TRAP1: variants seen among roughly 807,000 people sequenced by gnomAD.
TRAP1 encodes the protein heat shock protein 75 kDa, mitochondrial.
A neutral mutation model predicts 89.1 loss-of-function variants in TRAP1; 102 were observed. That is an observed-to-expected ratio of 1.15 (90% CI 0.98 to 1.35). The LOEUF (loss-of-function observed/expected upper bound fraction) is 1.35, where lower values mean the gene tolerates loss of function less well. Ranked by LOEUF, TRAP1 falls within the 40% of genes most tolerant of loss-of-function variation. The pLI, the probability that TRAP1 is intolerant of heterozygous loss-of-function variation, is 0.00. For missense variants in TRAP1, 1,256 were observed against 945.3 expected, an observed-to-expected ratio of 1.33 and a Z score of -4.31; for synonymous variants, 508 against 388.0, an observed-to-expected ratio of 1.31 and a Z score of -3.64.
At chr16:3,658,915 A>C (rs2042893172) in intron 16 of TRAP1, 50 bp from the exon 17 acceptor site, 1 of 1,578,046 alleles carries the variant, frequency 6.3e-7, no homozygotes, top group African/African-American at 1.3e-5. Context: ...ACGTGCTGTG[A>C]CCCTCCCTTC....
chr16:3,666,573 C>A (rs1011985245), intron 11 of TRAP1, among the ~76,000 whole-genome samples: 2 of 149,048 alleles, frequency 1.3e-5, no homozygotes, highest in Non-Finnish European at 3.0e-5. Context: ...AAAAAAAAAA[C>A]TGCATCTTTT....
chr16:3,685,457 G>A (rs1007754793), intron 4 of TRAP1, among the ~76,000 whole-genome samples: 3 of 152,026 alleles, frequency 2.0e-5, no homozygotes, highest in Non-Finnish European at 2.9e-5. Flanking sequence ...AGGCCAGTCT[G>A]TCCACCTCTC....
In TRAP1 at chr16:3,679,757, C is replaced by A; in HGVS notation, c.505G>T (p.Val169Leu). 1 of 1,614,144 alleles carries A rather than the reference C, an allele frequency of 6.2e-7. No individual in the cohort carries two copies. ...CTGGCAATCGTCCCCAGGTTGGACA[C>A]CAGCTCTTCCTGTGTCATCCCGATA... is the stretch of plus-strand genomic sequence containing the variant. ...TGIGMTQEELVSNLGTIARSG... is the reference protein window; with the variant it reads ...TGIGMTQEELLSNLGTIARSG... Residue 169 changes from valine (V) to leucine (L), a missense_variant, in exon 5 of 18, where the codon GTG becomes TTG. Coordinates refer to ENST00000246957, the MANE Select transcript of TRAP1 (RefSeq NM_016292.3).
At chr16:3,686,168 T>G in intron 3 of TRAP1, 32 bp from the exon 4 acceptor site, 9 of 1,609,728 alleles carry the variant, frequency 5.6e-6, no homozygotes, top group Non-Finnish European at 7.6e-6. Context: ...GCACAGACAA[T>G]GAAGGACACT....
intron 1 of TRAP1, among the ~76,000 whole-genome samples, chr16:3,707,824 A>G (rs2051470583): frequency 6.7e-6 from 1 of 149,296 alleles, no homozygotes; most frequent in Non-Finnish European, 1.5e-5. Context: ...ACTGCACTCC[A>G]GCCTGGGCAA....
chr16:3,695,981 A>C (rs570927507), intron 1 of TRAP1, among the ~76,000 whole-genome samples: 1 of 152,340 alleles, frequency 6.6e-6, no homozygotes, highest in Admixed American at 6.5e-5. Context: ...GACTGGATGC[A>C]GAAATCAATA....
At chr16:3,706,720 T>A (rs7201881) in intron 1 of TRAP1, among the ~76,000 whole-genome samples, 1 of 151,954 alleles carries the variant, frequency 6.6e-6, no homozygotes, top group Non-Finnish European at 1.5e-5. Context: ...CTTGGCCTCC[T>A]GAAGTGCTGC....
In TRAP1 at chr16:3,710,872, TATA is replaced by T. The variant is rs1397749822; in HGVS notation, c.88+6546_88+6548del. 2.6e-3 allele frequency among the ~76,000 whole-genome samples: 295 copies of T among 114,650 alleles called. 1 individual carries two copies. The highest frequency in any genetic ancestry group is 7.9e-3 in the African/African-American group (196 of 24,866). The allele number at this position is 114,650 out of a possible 152,430, so 75.2% of individuals were successfully genotyped here. The stretch of plus-strand genomic sequence containing the variant: ...ATGTGTGTGTGTATATATATATATA[TATA>T]TATATTTTTTTTTTTGAGACACTGT... On this transcript the variant is annotated intron_variant, in intron 1 of 17. Transcript: ENST00000246957.
Position 3,686,029 on chromosome 16 carries a change from C to T in TRAP1, c.438G>A (p.Gln146=), listed in dbSNP as rs768717021. 16 of 1,614,008 alleles carry T rather than the reference C, an allele frequency of 9.9e-6. No individual in the cohort carries two copies. The East Asian group carries it at 3.1e-4, about 31-fold the overall frequency. Residue 146 remains glutamine (Q), a synonymous_variant, in exon 4 of 18, where the codon CAG becomes CAA. Transcript: ENST00000246957. Reference sequence around the variant, plus strand: ...TGATGGTGCCTTTCTCGGCATTGGTCTGCAAGTGAATCTCCATTTCTGGCA... The same window carrying T: ...TGATGGTGCCTTTCTCGGCATTGGTTTGCAAGTGAATCTCCATTTCTGGCA... ...QALPEMEIHL[Q]TNAEKGTITI... is the part of the protein sequence containing the mutation.
chr16:3,679,575 G>T lies in TRAP1; in HGVS notation c.543+144C>A, dbSNP rs1213414859. 6.2e-6 allele frequency: 5 copies of T among 812,042 alleles called. No homozygotes were observed. The Admixed American group carries it at 8.3e-5, about 13-fold the overall frequency. 50.3% of individuals were successfully genotyped at this position (812,042 alleles called of 1,614,324 possible). A position where few individuals can be genotyped will look rare whatever the true frequency, so the allele number is the denominator to read the frequency against. On this transcript the variant is annotated intron_variant, in intron 5 of 17. Transcript: ENST00000246957. The stretch of plus-strand genomic sequence containing the variant: ...CCAGATACTGAGGGATGGCTGTCAT[G>T]TCATGAGGTGTTCCCACAGTACCCA...
At chr16:3,705,259 C>T (rs2051425510) in intron 1 of TRAP1, among the ~76,000 whole-genome samples, 1 of 151,800 alleles carries the variant, frequency 6.6e-6, no homozygotes, top group African/African-American at 2.4e-5. Flanking sequence ...TTAGTAGACA[C>T]AGGGTTTCAC....
chr16:3,672,958 C>T (rs1283828467), intron 9 of TRAP1, 138 bp from the exon 10 acceptor site: 1 of 1,328,328 alleles, frequency 7.5e-7, no homozygotes, highest in East Asian at 2.6e-5. Flanking sequence ...TGAGTTGAAG[C>T]CCAGTGCAGG....
rs534451071 is a variant in TRAP1 at position 3,689,459 on chromosome 16, T to C, written c.248-322A>G. Among the ~76,000 whole-genome samples the C allele has an allele frequency of 7.2e-5, 11 of 152,258 alleles. No homozygotes were observed. In the East Asian group the frequency reaches 1.9e-3, roughly 27 times the overall value. The stretch of plus-strand genomic sequence containing the variant: ...CGGGGTTTTACCATGTTAGCCAGGA[T>C]AGCCTCGATCTCCTGACCTCATGAT... On this transcript the variant is annotated intron_variant, in intron 2 of 17. Transcript: ENST00000246957.
chr16:3,661,987 C>A lies in TRAP1; in HGVS notation c.1940G>T (p.Arg647Met). ...GGAAGAGCCAGGAGCGTGGCCTCAC[C>A]TGGGGTTGATCTCCAGCGTGGGCTG... ...LLQPTLEINPRHALIKKLNQL... is the reference protein window; with the variant it reads ...LLQPTLEINPMHALIKKLNQL... Residue 647 changes from arginine (R) to methionine (M), a missense_variant and splice_region_variant, in exon 16 of 18, where the codon AGG (arginine) becomes ATG (methionine). Physicochemically the swap from Arg to Met is moderately conservative, Grantham distance 91. Coordinates refer to ENST00000246957, the MANE Select transcript of TRAP1 (RefSeq NM_016292.3). The A allele has an allele frequency of 6.2e-7, 1 of 1,604,032 alleles. No individual in the cohort carries two copies.
intron 1 of TRAP1, among the ~76,000 whole-genome samples, chr16:3,698,099 C>G (rs1444889070): frequency 6.6e-6 from 1 of 151,914 alleles, no homozygotes; most frequent in African/African-American, 2.4e-5. Context: ...GCACAAACCA[C>G]TACACCCAGC....
intron 1 of TRAP1, among the ~76,000 whole-genome samples, chr16:3,714,577 C>T (rs377526445): frequency 3.9e-5 from 6 of 152,260 alleles, no homozygotes; most frequent in African/African-American, 1.4e-4. Flanking sequence ...GAGAATCACT[C>T]GAACCCAGGA....
rs1306335000 is a variant in TRAP1, at chr16:3,675,379, C to T, written c.833G>A (p.Ser278Asn). Residue 278 changes from serine to asparagine, a missense_variant, in exon 8 of 18, where the codon AGC becomes AAC. Ser to Asn is a conservative substitution (Grantham distance 46). Coordinates refer to ENST00000246957, the MANE Select transcript of TRAP1 (RefSeq NM_016292.3). ...ARVRDVVTKYSNFVSFPLYLN... is the reference protein window; with the variant it reads ...ARVRDVVTKYNNFVSFPLYLN... ...GTACAAGGGGAAGCTGACGAAGTTG[C>T]TGTACTTCGTTACCACATCTGGAAG... 6.2e-7 allele frequency: 1 copy of T among 1,614,106 alleles called. No individual in the cohort carries two copies. The highest frequency in any genetic ancestry group is 8.5e-7 in the Non-Finnish European group (1 of 1,179,970).
intron 15 of TRAP1, chr16:3,662,488 G>C: frequency 7.7e-6 from 4 of 520,070 alleles, no homozygotes; most frequent in Non-Finnish European, 1.4e-5. Flanking sequence ...TAGACAGGTT[G>C]GTGGGGGGAG....
intron 4 of TRAP1, among the ~76,000 whole-genome samples, chr16:3,684,744 C>T (rs2051116268): frequency 6.6e-6 from 1 of 152,040 alleles, no homozygotes; most frequent in South Asian, 2.1e-4. Context: ...GAGCTGAGAT[C>T]ACACTACTGC....
Sources: gnomAD v4.1 joint callset for allele counts (sites outside exome capture counted in the v4.1 genomes callset) on GRCh38, gnomAD v4.1.1 for gene constraint, MANE v1.5 for transcripts, NCBI Gene and HGNC (gene_info 2026-07-23, HGNC 2026-07-21) for gene names.